TMIGD3: variants seen among roughly 807,000 people sequenced by gnomAD.
TMIGD3 encodes the protein AD026 protein (AD026).
In TMIGD3, 21 loss-of-function variants were observed where a neutral mutation model predicts 28.1. The observed-to-expected ratio is 0.75, with a 90% confidence interval of 0.53 to 1.08. The LOEUF (loss-of-function observed/expected upper bound fraction) is 1.08, where lower values mean the gene tolerates loss of function less well. TMIGD3 is among the 50% of genes least tolerant of loss of function. The pLI, the probability that TMIGD3 is intolerant of heterozygous loss-of-function variation, is 0.00. For missense variants in TMIGD3, 416 were observed against 435.6 expected, an observed-to-expected ratio of 0.96 and a Z score of 0.40; for synonymous variants, 151 against 162.1, an observed-to-expected ratio of 0.93 and a Z score of 0.52.
intron 1 of TMIGD3, among the ~76,000 whole-genome samples, chr1:111,520,034 C>T (rs1324341520): frequency 1.3e-5 from 2 of 152,084 alleles, no homozygotes; most frequent in African/African-American, 2.4e-5. Context: ...TACACAGACC[C>T]GGTTAACCAC....
At chr1:111,487,427 T>C (rs567447399) in intron 3 of TMIGD3, among the ~76,000 whole-genome samples, 44 of 152,168 alleles carry the variant, frequency 2.9e-4, no homozygotes, top group African/African-American at 1.1e-3. Context: ...TTTGTTTTCC[T>C]ACCAGCATTG....
At chr1:111,490,878 C>T (rs1654625872) in intron 1 of TMIGD3, 116 bp from the exon 2 acceptor site, 1 of 706,472 alleles carries the variant, frequency 1.4e-6, no homozygotes, top group South Asian at 1.7e-5. Flanking sequence ...TATAGATACA[C>T]TGCACAATGC....
chr1:111,485,485 T>A, intron 5 of TMIGD3: 1 of 387,704 alleles, frequency 2.6e-6, no homozygotes, highest in Non-Finnish European at 4.7e-6. Flanking sequence ...CCTGGTGTGG[T>A]TGTCTCAGGA....
intron 1 of TMIGD3, among the ~76,000 whole-genome samples, chr1:111,493,934 CCATCATACT>C (rs1654774394): frequency 6.6e-6 from 1 of 152,170 alleles, no homozygotes; most frequent in African/African-American, 2.4e-5. Context: ...GTTCTTATTC[CCATCATACT>C]CAGCTATAGT....
chr1:111,484,253 A>G (rs1010014323), intron 5 of TMIGD3, among the ~76,000 whole-genome samples: 1 of 152,204 alleles, frequency 6.6e-6, no homozygotes, highest in Non-Finnish European at 1.5e-5. Flanking sequence ...TACAAGTTCC[A>G]TGGACACAGA....
chr1:111,493,418 C>T (rs1654755485), intron 1 of TMIGD3, among the ~76,000 whole-genome samples: 1 of 152,200 alleles, frequency 6.6e-6, no homozygotes. Flanking sequence ...ATCATGTGAT[C>T]TCTGCCCACT....
At chr1:111,550,683 A>G (rs1036262261) in intron 1 of TMIGD3, among the ~76,000 whole-genome samples, 3 of 152,194 alleles carry the variant, frequency 2.0e-5, no homozygotes, top group African/African-American at 7.2e-5. Context: ...ATTTTAAAAG[A>G]TGGGGTCTCA....
intron 1 of TMIGD3, among the ~76,000 whole-genome samples, chr1:111,513,047 G>C (rs1655743979): frequency 6.6e-6 from 1 of 152,196 alleles, no homozygotes; most frequent in Non-Finnish European, 1.5e-5. Context: ...GGGAAAGGCT[G>C]CCCCAGGTCT....
chr1:111,561,206 C>T (rs575431692), intron 1 of TMIGD3, among the ~76,000 whole-genome samples: 1 of 152,342 alleles, frequency 6.6e-6, no homozygotes, highest in African/African-American at 2.4e-5. Context: ...TCACTGCATC[C>T]TCAACCTCCC....
chr1:111,536,429 T>C (rs1422126657), intron 1 of TMIGD3, among the ~76,000 whole-genome samples: 1 of 152,088 alleles, frequency 6.6e-6, no homozygotes, highest in Non-Finnish European at 1.5e-5. Context: ...GACACAACAT[T>C]GAAAGCCATG....
intron 1 of TMIGD3, among the ~76,000 whole-genome samples, chr1:111,495,306 G>A (rs1252473057): frequency 1.3e-5 from 2 of 152,148 alleles, no homozygotes; most frequent in African/African-American, 4.8e-5. Context: ...GGTAGACAAA[G>A]GACATGAACA....
chr1:111,542,810 C>T (rs1656887237), intron 1 of TMIGD3, among the ~76,000 whole-genome samples: 1 of 152,054 alleles, frequency 6.6e-6, no homozygotes, highest in Non-Finnish European at 1.5e-5. Flanking sequence ...GATTCTCCTG[C>T]CTCAACCTCT....
chr1:111,546,055 G>A (rs973077278), intron 1 of TMIGD3, among the ~76,000 whole-genome samples: 3 of 152,092 alleles, frequency 2.0e-5, no homozygotes, highest in Non-Finnish European at 4.4e-5. Context: ...CCAGAATTGT[G>A]AGTCCTTCAA....
At chr1:111,497,838 A>G (rs1261606281) in intron 1 of TMIGD3, among the ~76,000 whole-genome samples, 2 of 152,224 alleles carry the variant, frequency 1.3e-5, no homozygotes, top group Non-Finnish European at 1.5e-5. Context: ...AAGTGTTTCT[A>G]TGGCAACGTA....
intron 1 of TMIGD3, among the ~76,000 whole-genome samples, chr1:111,517,188 G>A (rs1344037658): frequency 6.6e-6 from 1 of 152,192 alleles, no homozygotes; most frequent in Non-Finnish European, 1.5e-5. Flanking sequence ...AGGAACCCTC[G>A]ATAAAGTCTC....
chr1:111,489,129 G>A (rs556090794), intron 2 of TMIGD3, 105 bp from the exon 3 acceptor site: 18 of 1,162,674 alleles, frequency 1.5e-5, no homozygotes, highest in Non-Finnish European at 1.6e-5. Flanking sequence ...TTAAAGAATC[G>A]GAGGCTGATT....
intron 1 of TMIGD3, chr1:111,500,067 G>C: frequency 6.2e-7 from 1 of 1,614,208 alleles, no homozygotes; most frequent in Non-Finnish European, 8.5e-7. Context: ...AGGCATAGAC[G>C]ATAGGGTTCA....
At position 111,490,778 on chromosome 1, in the gene TMIGD3, A is replaced by G; in HGVS notation, c.351-16T>C. 6.3e-7 allele frequency: 1 copy of G among 1,585,968 alleles called. No individual in the cohort carries two copies. The highest frequency in any genetic ancestry group is 1.1e-5 in the South Asian group (1 of 90,388). ...AATTCTGAATCTGTTTAAGGGAAAC[A>G]GATATGCTTGAGCTTAATATGGCTT... On this transcript the variant is annotated splice_polypyrimidine_tract_variant and intron_variant, in intron 1 of 5. Transcript: ENST00000369716.
At chr1:111,505,376 G>A (rs1655451606), upstream of TMIGD3, among the ~76,000 whole-genome samples, 1 of 152,166 alleles carries the variant, frequency 6.6e-6, no homozygotes, top group African/African-American at 2.4e-5. Flanking sequence ...CACACTTAGG[G>A]TCACCAGCCC....
Sources: gnomAD v4.1 joint callset for allele counts (sites outside exome capture counted in the v4.1 genomes callset) on GRCh38, gnomAD v4.1.1 for gene constraint, MANE v1.5 for transcripts, NCBI Gene and HGNC (gene_info 2026-07-23, HGNC 2026-07-21) for gene names.